ALOX5: variants seen among roughly 807,000 people sequenced by gnomAD.
ALOX5 encodes arachidonate 5-lipoxygenase.
Under a neutral mutation model 87.9 loss-of-function variants are expected in ALOX5, and 64 were observed. The observed-to-expected ratio is 0.73, with a 90% CI of 0.60 to 0.90. The LOEUF (loss-of-function observed/expected upper bound fraction) is 0.90. Ranked by LOEUF, ALOX5 falls within the 40% of genes least tolerant of loss-of-function variation. The probability of loss-of-function intolerance (pLI) is 0.00; values close to 1 mark genes in which losing one functional copy is unlikely to be tolerated. For missense variants in ALOX5, 822 were observed against 907.5 expected (o/e 0.91, Z 1.21); for synonymous variants, 388 against 355.1 (o/e 1.09, Z -1.04).
intron 4 of ALOX5, among the ~76,000 whole-genome samples, chr10:45,423,074 C>G (rs1841563611): frequency 6.6e-6 from 1 of 152,222 alleles, no homozygotes; most frequent in Non-Finnish European, 1.5e-5. Flanking sequence ...TCTCCTAATG[C>G]CATCACACTG....
intron 9 of ALOX5, 70 bp downstream of exon 9, chr10:45,441,500 ATC>A: frequency 1.4e-6 from 2 of 1,470,980 alleles, no homozygotes; most frequent in South Asian, 1.2e-5. Flanking sequence ...CCTATCTGAG[ATC>A]TAGACACCCT....
chr10:45,445,408 C>T, intron 13 of ALOX5, 100 bp from the exon 14 acceptor site: 3 of 1,409,332 alleles, frequency 2.1e-6, no homozygotes, highest in Middle Eastern at 1.9e-4. Flanking sequence ...CTCCCTCCTT[C>T]ATCTCCCAAA....
chr10:45,400,811 A>C (rs1343938952), intron 3 of ALOX5, among the ~76,000 whole-genome samples: 2 of 152,288 alleles, frequency 1.3e-5, no homozygotes, highest in Admixed American at 1.3e-4. Context: ...GGAAACAAGG[A>C]GTGAATGTTA....
Position 45,412,946 on chromosome 10 carries a change from G to A in ALOX5, c.554+633G>A, listed in dbSNP as rs1373585222. The stretch of plus-strand genomic sequence containing the variant: ...CTCTAGGCTGCTTGTTAAACATATG[G>A]ATCCCCCGACCCTATCCCAGGACTA... On this transcript the variant is annotated intron_variant, in intron 4 of 13. Transcript: ENST00000374391. 2.0e-5 allele frequency among the ~76,000 whole-genome samples: 3 copies of A among 152,166 alleles called. No homozygotes were observed. In the East Asian group the frequency reaches 5.8e-4, roughly 29 times the overall value.
chr10:45,419,949 G>A (rs996063720), intron 4 of ALOX5, among the ~76,000 whole-genome samples: 1 of 152,160 alleles, frequency 6.6e-6, no homozygotes, highest in Admixed American at 6.5e-5. Flanking sequence ...GGAAGAGGAG[G>A]GGGCCTGCTG....
intron 4 of ALOX5, among the ~76,000 whole-genome samples, chr10:45,421,637 G>A (rs1383983056): frequency 2.0e-5 from 3 of 152,230 alleles, no homozygotes; most frequent in Admixed American, 6.5e-5. Flanking sequence ...GCTTCTCTGG[G>A]TATTCCAGTG....
chr10:45,444,878 G>C (rs1172398476), intron 13 of ALOX5: 1 of 154,170 alleles, frequency 6.5e-6, no homozygotes, highest in Non-Finnish European at 1.4e-5. Flanking sequence ...CTTGGTCAAA[G>C]AATATTGATA....
chr10:45,411,597 T>C (rs970301197), intron 3 of ALOX5, among the ~76,000 whole-genome samples: 2 of 152,218 alleles, frequency 1.3e-5, no homozygotes, highest in African/African-American at 4.8e-5. Flanking sequence ...TTGATTGTAA[T>C]AATCTCTAAA....
intron 2 of ALOX5, among the ~76,000 whole-genome samples, chr10:45,394,412 C>G (rs1036016391): frequency 6.6e-6 from 1 of 152,228 alleles, no homozygotes; most frequent in Non-Finnish European, 1.5e-5. Context: ...AGGTAGACAG[C>G]TGAAGCTGGA....
intron 7 of ALOX5, among the ~76,000 whole-genome samples, chr10:45,429,505 T>C (rs1280090505): frequency 6.6e-6 from 1 of 152,354 alleles, no homozygotes; most frequent in South Asian, 2.1e-4. Flanking sequence ...TGGGTTAACC[T>C]GCACAGTCCG....
At position 45,382,469 on chromosome 10, in the gene ALOX5, G is replaced by C. The variant is rs1588980151; in HGVS notation, c.151-14G>C. 5 of 1,614,146 alleles carry C rather than the reference G, an allele frequency of 3.1e-6. No homozygotes were observed. The highest frequency in any genetic ancestry group is 4.2e-6 in the Non-Finnish European group (5 of 1,180,036). ...GAGACCACGCATGGCCTGATTGCCTGTTCTCCTTCCCAGGTGGATTCATAC... is the reference window on the plus strand; with the variant it reads ...GAGACCACGCATGGCCTGATTGCCTCTTCTCCTTCCCAGGTGGATTCATAC... On this transcript the variant is annotated splice_polypyrimidine_tract_variant and intron_variant, in intron 1 of 13. Coordinates refer to ENST00000374391, the MANE Select transcript of ALOX5 (RefSeq NM_000698.5).
At chr10:45,398,032 G>A (rs1840572449) in intron 3 of ALOX5, among the ~76,000 whole-genome samples, 1 of 152,102 alleles carries the variant, frequency 6.6e-6, no homozygotes, top group Non-Finnish European at 1.5e-5. Flanking sequence ...ACCCAGAATA[G>A]CCAAAACAAT....
chr10:45,420,326 AT>A (rs1188525070), intron 4 of ALOX5, among the ~76,000 whole-genome samples: 1 of 152,222 alleles, frequency 6.6e-6, no homozygotes, highest in Non-Finnish European at 1.5e-5. Flanking sequence ...TTTCAATTTT[AT>A]TTGCTAAGGT....
intron 4 of ALOX5, among the ~76,000 whole-genome samples, chr10:45,421,643 C>T (rs984882579): frequency 2.6e-5 from 4 of 152,218 alleles, no homozygotes; most frequent in African/African-American, 9.6e-5. Flanking sequence ...CTGGGTATTC[C>T]AGTGCCTGGC....
intron 1 of ALOX5, among the ~76,000 whole-genome samples, chr10:45,381,114 C>T (rs911046534): frequency 6.6e-6 from 1 of 152,254 alleles, no homozygotes; most frequent in Admixed American, 6.5e-5. Context: ...TCAGAGCCGC[C>T]TGTGTCCTGG....
At chr10:45,407,089 G>A (rs11239516) in intron 3 of ALOX5, among the ~76,000 whole-genome samples, 4 of 151,928 alleles carry the variant, frequency 2.6e-5, no homozygotes, top group Admixed American at 1.3e-4. Flanking sequence ...TGTGCTTGTC[G>A]TCCTGTCCCC....
chr10:45,380,105 C>T (rs1332053853), intron 1 of ALOX5, among the ~76,000 whole-genome samples: 9 of 152,246 alleles, frequency 5.9e-5, no homozygotes, highest in African/African-American at 2.2e-4. Flanking sequence ...CCCATCAGAA[C>T]CTGCCCACCC....
chr10:45,392,584 G>A (rs1385629028), intron 2 of ALOX5, among the ~76,000 whole-genome samples: 1 of 151,916 alleles, frequency 6.6e-6, no homozygotes, highest in Non-Finnish European at 1.5e-5. Flanking sequence ...TGGCCGCAGG[G>A]TCCTCTGCCT....
At chr10:45,443,699 G>T in intron 11 of ALOX5, 29 bp from the exon 12 acceptor site, 1 of 1,601,472 alleles carries the variant, frequency 6.2e-7, no homozygotes. Context: ...CAGGGACTGG[G>T]CCTCAGCCCG....
Sources: allele counts gnomAD v4.1 joint callset (sites outside exome capture counted in the v4.1 genomes callset), GRCh38; gene constraint gnomAD v4.1.1; transcripts MANE v1.5; gene names NCBI Gene and HGNC (gene_info 2026-07-23, HGNC 2026-07-21).